SEPTIN14: variants seen among roughly 807,000 people sequenced by gnomAD.
The protein encoded by SEPTIN14 is septin-14.
A neutral mutation model predicts 53.6 loss-of-function variants in SEPTIN14; 40 were observed. The observed-to-expected ratio is 0.75, with a 90% CI of 0.58 to 0.97. The LOEUF (loss-of-function observed/expected upper bound fraction) is 0.97. Ranked by LOEUF, SEPTIN14 falls within the 50% of genes least tolerant of loss-of-function variation. The probability of loss-of-function intolerance (pLI) is 0.00; values close to 1 mark genes in which losing one functional copy is unlikely to be tolerated. For synonymous variants in SEPTIN14, 138 were observed against 166.8 expected (o/e 0.83, Z 1.33); for missense variants, 471 against 508.2 (o/e 0.93, Z 0.70).
intron 6 of SEPTIN14, among the ~76,000 whole-genome samples, chr7:55,826,119 C>T (rs1788983615): frequency 6.6e-6 from 1 of 151,474 alleles, no homozygotes; most frequent in Non-Finnish European, 1.5e-5. Context: ...AAAAAAGTCA[C>T]AATTATTTAT....
At chr7:55,857,512 GGGAAGGGAAA>G (rs1789658326) in intron 2 of SEPTIN14, among the ~76,000 whole-genome samples, 3 of 118,660 alleles carry the variant, frequency 2.5e-5, no homozygotes, top group South Asian at 6.7e-4. Flanking sequence ...GGGAAGGGAA[GGGAAGGGAAA>G]GGAAAGGAAA....
intron 9 of SEPTIN14, among the ~76,000 whole-genome samples, chr7:55,801,520 G>A (rs1788522597): frequency 6.6e-6 from 1 of 152,106 alleles, no homozygotes. Flanking sequence ...CTGAAAATCT[G>A]AAAAGACTAC....
chr7:55,804,461 G>C (rs368385127), intron 9 of SEPTIN14, among the ~76,000 whole-genome samples: 2 of 151,970 alleles, frequency 1.3e-5, no homozygotes, highest in African/African-American at 4.8e-5. Flanking sequence ...GTTTCACCAC[G>C]TTGGCCAGGC....
At chr7:55,839,295 A>G (rs1438353929) in intron 5 of SEPTIN14, among the ~76,000 whole-genome samples, 3 of 151,742 alleles carry the variant, frequency 2.0e-5, no homozygotes, top group Non-Finnish European at 4.4e-5. Flanking sequence ...AGGCTGAGGC[A>G]GGAGAATCAC....
chr7:55,855,773 T>TG (rs1227957222), intron 2 of SEPTIN14, among the ~76,000 whole-genome samples: 1 of 151,570 alleles, frequency 6.6e-6, no homozygotes, highest in Non-Finnish European at 1.5e-5. Context: ...AGGTTGGTCT[T>TG]GAACGCCTCA....
chr7:55,851,013 G>A (rs1789506510), intron 2 of SEPTIN14: 1 of 152,134 alleles, frequency 6.6e-6, no homozygotes, highest in African/African-American at 2.4e-5. Context: ...GGAGGCAGAA[G>A]TTGCAGTAAG....
intron 5 of SEPTIN14, among the ~76,000 whole-genome samples, chr7:55,837,142 G>T (rs1167402744): frequency 6.6e-6 from 1 of 150,778 alleles, no homozygotes; most frequent in Non-Finnish European, 1.5e-5. Context: ...GAGAGAGAGG[G>T]TCTTGATCTG....
chr7:55,826,286 G>A (rs1788985806), intron 6 of SEPTIN14, among the ~76,000 whole-genome samples: 1 of 152,068 alleles, frequency 6.6e-6, no homozygotes, highest in Non-Finnish European at 1.5e-5. Context: ...TACTGATTTT[G>A]CAAACTGAAT....
intron 6 of SEPTIN14, among the ~76,000 whole-genome samples, chr7:55,830,579 A>C (rs965310477): frequency 6.6e-6 from 1 of 151,246 alleles, no homozygotes; most frequent in East Asian, 1.9e-4. Flanking sequence ...TCCTGACCTC[A>C]TGATCCGCCC....
intron 9 of SEPTIN14, among the ~76,000 whole-genome samples, chr7:55,800,654 A>G (rs1478832333): frequency 6.6e-6 from 1 of 152,080 alleles, no homozygotes; most frequent in Non-Finnish European, 1.5e-5. Flanking sequence ...TCATGGAGAT[A>G]GAGAATGAAA....
chr7:55,817,454 A>G (rs1455708709), intron 7 of SEPTIN14, among the ~76,000 whole-genome samples: 4 of 148,792 alleles, frequency 2.7e-5, no homozygotes, highest in Non-Finnish European at 4.4e-5. Context: ...TGTTAATAAC[A>G]ATATTTTATA....
intron 7 of SEPTIN14, among the ~76,000 whole-genome samples, chr7:55,808,893 C>CTACCATTTGA (rs1788650050): frequency 6.6e-6 from 1 of 152,096 alleles, no homozygotes; most frequent in Non-Finnish European, 1.5e-5. Context: ...TACCATTTGA[C>CTACCATTTGA]CCAGTAATCC....
Position 55,857,582 on chromosome 7 carries a change from C to CTTTT in SEPTIN14, c.54+4357_54+4360dup, listed in dbSNP as rs1162739964. Among the ~76,000 whole-genome samples the CTTTT allele has an allele frequency of 4.4e-3, 96 of 21,602 alleles. 39 individuals are homozygous for CTTTT. The highest frequency in any genetic ancestry group is 0.012 in the African/African-American group (69 of 5,556). The allele number at this position is 21,602 out of a possible 152,430, so 14.2% of individuals were successfully genotyped here. A position where few individuals can be genotyped will look rare whatever the true frequency, so the allele number is the denominator to read the frequency against. The stretch of plus-strand genomic sequence containing the variant: ...GAGGGGAGGGGAGGGGAGCCTGTGT[C>CTTTT]TTTTTTTTTTTTTTTTTTTTTTTTT... On this transcript the variant is annotated intron_variant, in intron 2 of 9. Coordinates refer to ENST00000388975, the MANE Select transcript of SEPTIN14 (RefSeq NM_207366.3).
At chr7:55,810,035 C>T (rs748011567) in intron 7 of SEPTIN14, among the ~76,000 whole-genome samples, 12 of 151,456 alleles carry the variant, frequency 7.9e-5, no homozygotes, top group Non-Finnish European at 1.8e-4. Flanking sequence ...GGTTTCACCG[C>T]GTTAGCCAGG....
chr7:55,843,831 C>CA (rs1181686243), intron 4 of SEPTIN14, among the ~76,000 whole-genome samples: 1 of 151,786 alleles, frequency 6.6e-6, no homozygotes, highest in Non-Finnish European at 1.5e-5. Flanking sequence ...GACTCCATCT[C>CA]AAAAAAAGAC....
chr7:55,843,772 C>T (rs1405964693), intron 4 of SEPTIN14, among the ~76,000 whole-genome samples: 2 of 152,162 alleles, frequency 1.3e-5, no homozygotes, highest in Non-Finnish European at 1.5e-5. Context: ...ACAAAGCTTA[C>T]AGTGAGCCGA....
At chr7:55,860,486 A>C (rs1167847140) in intron 2 of SEPTIN14, among the ~76,000 whole-genome samples, 1 of 152,190 alleles carries the variant, frequency 6.6e-6, no homozygotes, top group Non-Finnish European at 1.5e-5. Context: ...GGGAGACTAT[A>C]GTTTATAACA....
chr7:55,814,385 A>G (rs1788758038), intron 7 of SEPTIN14, among the ~76,000 whole-genome samples: 1 of 152,206 alleles, frequency 6.6e-6, no homozygotes, highest in African/African-American at 2.4e-5. Context: ...TCCCAATCAC[A>G]TATCTCAGGA....
chr7:55,808,117 A>T (rs1472869974), intron 7 of SEPTIN14, among the ~76,000 whole-genome samples: 1 of 152,216 alleles, frequency 6.6e-6, no homozygotes, highest in Non-Finnish European at 1.5e-5. Context: ...AATATCAGTA[A>T]GAAAATATCA....
Sources: allele counts gnomAD v4.1 joint callset (sites outside exome capture counted in the v4.1 genomes callset), GRCh38; gene constraint gnomAD v4.1.1; transcripts MANE v1.5; gene names NCBI Gene and HGNC (gene_info 2026-07-23, HGNC 2026-07-21).